KHDC4: variants seen among roughly 807,000 people sequenced by gnomAD.
The protein encoded by KHDC4 is KH homology domain-containing protein 4.
KHDC4 carries 19 observed loss-of-function variants against 74.5 expected under a neutral mutation model. The observed-to-expected ratio is 0.26, with a 90% CI of 0.18 to 0.37. KHDC4 has a LOEUF of 0.37. Ranked by LOEUF, KHDC4 falls within the 10% of genes least tolerant of loss-of-function variation. KHDC4 has a pLI of 1.00. For missense variants in KHDC4, 632 were observed against 754.1 expected (o/e 0.84, Z 1.90); for synonymous variants, 253 against 266.1 (o/e 0.95, Z 0.48).
chr1:155,921,462 T>G lies in KHDC4; in HGVS notation c.1179A>C (p.Gly393=), dbSNP rs1673861146. ...IVPPAVSLAP[G]VLPALPTGVP... Reference sequence around the variant, plus strand: ...CTCCAGTAGGTAATGCCGGCAAGACTCCAGGTGCTAATGAAACAGCTGGTG... The same window carrying G: ...CTCCAGTAGGTAATGCCGGCAAGACGCCAGGTGCTAATGAAACAGCTGGTG... Residue 393 remains glycine, a synonymous_variant, in exon 10 of 14, where the codon GGA becomes GGC. Coordinates refer to ENST00000368321, the MANE Select transcript of KHDC4 (RefSeq NM_014949.4). 1.2e-6 allele frequency: 2 copies of G among 1,614,090 alleles called. No homozygotes were observed. The highest frequency in any genetic ancestry group is 4.5e-5 in the East Asian group (2 of 44,878).
intron 7 of KHDC4, among the ~76,000 whole-genome samples, chr1:155,925,100 C>T (rs1488538353): frequency 6.6e-6 from 1 of 150,534 alleles, no homozygotes; most frequent in African/African-American, 2.4e-5. Flanking sequence ...AATCTCAGCT[C>T]ACTGCAAGCT....
At position 155,934,367 on chromosome 1, in the gene KHDC4, C is replaced by T. The variant is rs753477821; in HGVS notation, c.7G>A (p.Ala3Thr). 1.0e-4 allele frequency: 162 copies of T among 1,611,600 alleles called. No individual in the cohort carries two copies. Among genetic ancestry groups the T allele is most frequent in the Non-Finnish European group, 1.4e-4 (161 of 1,179,934 alleles). Residue 3 changes from alanine to threonine, a missense_variant, in exon 1 of 14, where the codon GCG becomes ACG. Coordinates refer to ENST00000368321, the MANE Select transcript of KHDC4 (RefSeq NM_014949.4). ...GCTCCAGGATGTGTCGCGCTCCCCG[C>T]GGACATGGCGACCGCTTCTACTCAA... MS[A>T]GSATHPGAGG...
intron 3 of KHDC4, 125 bp from the exon 4 acceptor site, chr1:155,929,500 ATT>A (rs1674098097): frequency 1.0e-6 from 1 of 1,004,868 alleles, no homozygotes; most frequent in South Asian, 1.6e-5. Context: ...TGTATCTGAA[ATT>A]TTGATTCCAT....
At chr1:155,915,481 C>G (rs1453304285) in intron 13 of KHDC4, 2 of 172,386 alleles carry the variant, frequency 1.2e-5, no homozygotes, top group Non-Finnish European at 2.4e-5. Flanking sequence ...GAATGAACAT[C>G]AGGTTAGAAA....
At chr1:155,927,771 C>T (rs1674037129) in intron 4 of KHDC4, among the ~76,000 whole-genome samples, 1 of 137,396 alleles carries the variant, frequency 7.3e-6, no homozygotes. Context: ...CCATTGCACA[C>T]CAGCCGGGGC....
rs1557970782 is a variant in KHDC4 at position 155,927,875 on chromosome 1, A to AC, written c.465-720_465-719insG. On this transcript the variant is annotated intron_variant, in intron 4 of 13. Transcript: ENST00000368321. ...ACACACACACACACACACACACACA[A>AC]AATTAATGGGGAAAGATTGATCATG... 2.6e-3 allele frequency among the ~76,000 whole-genome samples: 186 copies of AC among 71,674 alleles called. 5 individuals are homozygous for AC. Among genetic ancestry groups the AC allele is most frequent in the African/African-American group, 9.0e-3 (173 of 19,182 alleles). The allele number at this position is 71,674 out of a possible 152,430, so 47.0% of individuals were successfully genotyped here. A position where few individuals can be genotyped will look rare whatever the true frequency, so the allele number is the denominator to read the frequency against.
chr1:155,926,520 G>A (rs1044108165), intron 6 of KHDC4, 156 bp downstream of exon 6: 9 of 734,342 alleles, frequency 1.2e-5, no homozygotes, highest in East Asian at 2.8e-5. Flanking sequence ...GTTTCACCAC[G>A]TTGGTCAGGC....
At chr1:155,921,134 CCATCCCCACTTTAAA>C (rs1048006507) in intron 10 of KHDC4, 19 of 515,586 alleles carry the variant, frequency 3.7e-5, no homozygotes, top group African/African-American at 2.3e-4. Flanking sequence ...AGTGTGCCCA[CCATCCCCACTTTAAA>C]CAGCTATTTG....
chr1:155,918,098 A>C (rs1673773293), intron 10 of KHDC4, among the ~76,000 whole-genome samples: 1 of 152,196 alleles, frequency 6.6e-6, no homozygotes, highest in Non-Finnish European at 1.5e-5. Context: ...GTCAAGATTA[A>C]GTCTAATGTT....
chr1:155,915,845 CCT>C (rs1673719879), intron 13 of KHDC4, 26 bp downstream of exon 13: 7 of 1,430,256 alleles, frequency 4.9e-6, no homozygotes, highest in South Asian at 1.2e-5. Flanking sequence ...TAGCCACTCC[CCT>C]GTTCCCCCAG....
At chr1:155,931,664 A>T (rs963258282) in intron 2 of KHDC4, among the ~76,000 whole-genome samples, 4 of 152,168 alleles carry the variant, frequency 2.6e-5, no homozygotes, top group Non-Finnish European at 5.9e-5. Flanking sequence ...GCCTCAAGTG[A>T]TCCACCCACC....
chr1:155,933,097 T>C (rs189842943), intron 2 of KHDC4, among the ~76,000 whole-genome samples: 11 of 152,254 alleles, frequency 7.2e-5, no homozygotes, highest in Admixed American at 7.2e-4. Flanking sequence ...CAGCTTAAGC[T>C]GAACTAAGTG....
At chr1:155,916,760 G>C in intron 11 of KHDC4, 23 bp from the exon 12 acceptor site, 2 of 1,506,668 alleles carry the variant, frequency 1.3e-6, no homozygotes, top group East Asian at 2.3e-5. Context: ...AAATACAGTG[G>C]CATTAGCAAA....
At position 155,921,466 on chromosome 1, in the gene KHDC4, G is replaced by A; in HGVS notation, c.1175C>T (p.Pro392Leu). 1 of 1,614,098 alleles carries A rather than the reference G, an allele frequency of 6.2e-7. No homozygotes were observed. Among genetic ancestry groups the A allele is most frequent in the Non-Finnish European group, 8.5e-7 (1 of 1,180,012 alleles). Residue 392 changes from proline (P) to leucine (L), a missense_variant, in exon 10 of 14, where the codon CCT becomes CTT. Physicochemically the swap from Pro to Leu is moderately conservative, Grantham distance 98 (BLOSUM62 -3). This residue lies in a region of KHDC4 where 254 missense variants were observed against 267.4 expected (regional missense o/e 0.95). Coordinates refer to ENST00000368321, the MANE Select transcript of KHDC4 (RefSeq NM_014949.4). ...SIVPPAVSLA[P>L]GVLPALPTGV... is the part of the protein sequence containing the mutation. ...AGTAGGTAATGCCGGCAAGACTCCA[G>A]GTGCTAATGAAACAGCTGGTGGCAC... is the stretch of plus-strand genomic sequence containing the variant.
At chr1:155,924,461 G>T (rs1175901898) in intron 7 of KHDC4, among the ~76,000 whole-genome samples, 1 of 151,874 alleles carries the variant, frequency 6.6e-6, no homozygotes, top group Non-Finnish European at 1.5e-5. Context: ...CATCCGCCTC[G>T]GCCCTGAAAG....
At chr1:155,923,523 T>C (rs1557968698) in intron 8 of KHDC4, 104 bp downstream of exon 8, 1 of 815,354 alleles carries the variant, frequency 1.2e-6, no homozygotes, top group Non-Finnish European at 2.1e-6. Flanking sequence ...TGCCATAACT[T>C]GTTATAGCAG....
chr1:155,915,867 A>G lies in KHDC4; in HGVS notation c.1645+6T>C, dbSNP rs1354116562. On this transcript the variant is annotated splice_donor_region_variant and intron_variant, in intron 13 of 13. Transcript: ENST00000368321. ...TCCCCTGTTCCCCCAGCTATATCAC[A>G]CTCACCATGGCTCCCTGTTAAGGTC... 1 of 1,565,466 alleles carries G rather than the reference A, an allele frequency of 6.4e-7. No individual in the cohort carries two copies. Among genetic ancestry groups the G allele is most frequent in the Admixed American group, 1.8e-5 (1 of 54,876 alleles).
intron 8 of KHDC4, 28 bp from the exon 9 acceptor site, chr1:155,921,946 A>G: frequency 6.8e-7 from 1 of 1,481,168 alleles, no homozygotes; most frequent in Non-Finnish European, 9.4e-7. Flanking sequence ...ACAAATTAAC[A>G]TGGGACAGCC....
intron 8 of KHDC4, 45 bp downstream of exon 8, chr1:155,923,582 A>C (rs1247046284): frequency 1.4e-6 from 2 of 1,407,320 alleles, no homozygotes; most frequent in Non-Finnish European, 2.0e-6. Flanking sequence ...ATACTCCAAA[A>C]TGGCAATTGC....
Sources: gnomAD v4.1 joint callset for allele counts (sites outside exome capture counted in the v4.1 genomes callset) on GRCh38, gnomAD v4.1.1 for gene constraint, gnomAD v4.1.1 regional missense constraint, MANE v1.5 for transcripts, NCBI Gene and HGNC (gene_info 2026-07-23, HGNC 2026-07-21) for gene names.